Variants in KANSL1L observed in about 807,000 individuals in gnomAD.
KANSL1L encodes KAT8 regulatory NSL complex subunit 1 like.
KANSL1L carries 25 observed loss-of-function variants against 108.6 expected under a neutral mutation model. The ratio of observed to expected loss-of-function variants is 0.23; its 90% CI spans 0.17 to 0.32. The LOEUF is 0.32. Among genes scored for constraint, KANSL1L ranks in the 10% least tolerant of loss-of-function variants. The probability of loss-of-function intolerance (pLI) is 1.00; values close to 1 mark genes in which losing one functional copy is unlikely to be tolerated. For missense variants in KANSL1L, 1,137 were observed against 1,125.7 expected (o/e 1.01, Z -0.14); for synonymous variants, 405 against 395.1 (o/e 1.03, Z -0.30).
intron 6 of KANSL1L, among the ~76,000 whole-genome samples, chr2:210,065,794 C>G (rs1265423895): frequency 1.3e-5 from 2 of 152,018 alleles, no homozygotes; most frequent in Admixed American, 1.3e-4. Flanking sequence ...CCATGTTGGC[C>G]AGGCTGGTCT....
intron 6 of KANSL1L, among the ~76,000 whole-genome samples, chr2:210,061,886 A>C (rs1242145202): frequency 6.6e-6 from 1 of 152,244 alleles, no homozygotes; most frequent in East Asian, 1.9e-4. Flanking sequence ...AAGCTTATGA[A>C]AGATGTAGTG....
In KANSL1L at chr2:210,061,317, C is replaced by G. The variant is rs142909021; in HGVS notation, c.1755+14235G>C. 2.6e-3 allele frequency among the ~76,000 whole-genome samples: 399 copies of G among 152,196 alleles called. 3 individuals are homozygous for G. The highest frequency in any genetic ancestry group is 8.8e-3 in the African/African-American group (366 of 41,550). Reference sequence around the variant, plus strand: ...ATGCCAGAGGCCTCTGTTCACCATTCCCAGTGGGAAAGAGAACTTCCTTTG... The same window carrying G: ...ATGCCAGAGGCCTCTGTTCACCATTGCCAGTGGGAAAGAGAACTTCCTTTG... On this transcript the variant is annotated intron_variant, in intron 6 of 14. Transcript: ENST00000281772.
intron 5 of KANSL1L, 122 bp downstream of exon 5, chr2:210,097,964 C>T (rs966842077): frequency 3.3e-6 from 2 of 612,830 alleles, no homozygotes; most frequent in South Asian, 2.7e-5. Context: ...ATTGATTGTA[C>T]TCTAGTAGCC....
At chr2:210,071,427 C>T (rs2094507074) in intron 6 of KANSL1L, among the ~76,000 whole-genome samples, 1 of 151,774 alleles carries the variant, frequency 6.6e-6, no homozygotes, top group Admixed American at 6.6e-5. Flanking sequence ...ACCATGATGC[C>T]TGGCTAATTT....
At chr2:210,060,097 T>G (rs2094403519) in intron 6 of KANSL1L, among the ~76,000 whole-genome samples, 1 of 152,182 alleles carries the variant, frequency 6.6e-6, no homozygotes, top group Non-Finnish European at 1.5e-5. Context: ...CTTTAAAATC[T>G]TCTATTATTT....
chr2:210,107,734 C>T (rs1444538997), intron 3 of KANSL1L, among the ~76,000 whole-genome samples: 1 of 151,750 alleles, frequency 6.6e-6, no homozygotes, highest in Non-Finnish European at 1.5e-5. Context: ...GGGGTTTCAC[C>T]GTGTTAGCCA....
intron 3 of KANSL1L, among the ~76,000 whole-genome samples, chr2:210,112,823 C>T (rs2094921598): frequency 6.6e-6 from 1 of 152,150 alleles, no homozygotes; most frequent in African/African-American, 2.4e-5. Context: ...CAGAATCTGT[C>T]TAATGTCATT....
At chr2:210,120,343 G>T (rs1266578150) in intron 3 of KANSL1L, among the ~76,000 whole-genome samples, 1 of 152,150 alleles carries the variant, frequency 6.6e-6, no homozygotes. Flanking sequence ...AGTGAGCGGA[G>T]ATCACGCCAC....
In KANSL1L at chr2:210,098,187, G is replaced by A. The variant is rs763890156; in HGVS notation, c.1449C>T (p.Ile483=). 3 of 1,612,252 alleles carry A rather than the reference G, an allele frequency of 1.9e-6. No individual in the cohort carries two copies. The highest frequency in any genetic ancestry group is 2.2e-5 in the East Asian group (1 of 44,710). Residue 483 remains isoleucine, a synonymous_variant, in exon 5 of 15, where the codon ATC becomes ATT. Transcript: ENST00000281772. ...TGAGAGGGGCAATCAAACTGTTGATGATCTCAGTCAACTGTGCACTCTGCA... is the reference window on the plus strand; with the variant it reads ...TGAGAGGGGCAATCAAACTGTTGATAATCTCAGTCAACTGTGCACTCTGCA... ...IEKQSAQLTE[I]INSLIAPLNL... is the part of the protein sequence containing the mutation.
At chr2:210,089,853 A>G (rs1559547725) in intron 5 of KANSL1L, among the ~76,000 whole-genome samples, 2 of 152,266 alleles carry the variant, frequency 1.3e-5, no homozygotes, top group South Asian at 2.1e-4. Flanking sequence ...AAGGCAAGAA[A>G]GAAAACAACT....
intron 6 of KANSL1L, among the ~76,000 whole-genome samples, chr2:210,065,244 T>C (rs2094456450): frequency 8.2e-6 from 1 of 121,472 alleles, no homozygotes; most frequent in Admixed American, 1.2e-4. Context: ...TGAGCCGAGA[T>C]CGCACCACTG....
intron 9 of KANSL1L, chr2:210,030,634 A>G (rs1168417805): frequency 6.6e-6 from 1 of 151,602 alleles, no homozygotes; most frequent in East Asian, 1.9e-4. Context: ...TTTCCTGCAT[A>G]ATATAAAATC....
In KANSL1L at chr2:210,044,120, G is replaced by A. The variant is rs374287840; in HGVS notation, c.1756-16C>T. 48 of 1,547,052 alleles carry A rather than the reference G, an allele frequency of 3.1e-5. No individual in the cohort carries two copies. Among genetic ancestry groups the A allele is most frequent in the Non-Finnish European group, 3.8e-5 (44 of 1,144,642 alleles). On this transcript the variant is annotated splice_polypyrimidine_tract_variant and intron_variant, in intron 6 of 14. Coordinates refer to ENST00000281772, the MANE Select transcript of KANSL1L (RefSeq NM_152519.4). This position sits in a 1 kb window ranked among gnomAD's most constrained non-coding sequence, Gnocchi z 4.2. ...AAGGCAAAGTCTGCAAGGAAAAACC[G>A]TATTAGAATATCACAGCCAAAGCAT...
intron 4 of KANSL1L, among the ~76,000 whole-genome samples, chr2:210,100,541 A>G (rs1361466405): frequency 1.3e-5 from 2 of 152,236 alleles, no homozygotes; most frequent in African/African-American, 2.4e-5. Flanking sequence ...ATTATGAGTG[A>G]ACAGTTATAT....
chr2:210,116,485 T>G (rs1189857884), intron 3 of KANSL1L, among the ~76,000 whole-genome samples: 1 of 152,154 alleles, frequency 6.6e-6, no homozygotes, highest in African/African-American at 2.4e-5. Context: ...TCTGACCCTG[T>G]GCAGTCCCAG....
At chr2:210,096,750 A>T in intron 5 of KANSL1L, 1 of 957,914 alleles carries the variant, frequency 1.0e-6, no homozygotes, top group South Asian at 4.8e-5. Flanking sequence ...TACGTTCAAC[A>T]TGTTTTATCA....
intron 7 of KANSL1L, among the ~76,000 whole-genome samples, chr2:210,042,678 T>C (rs1271684994): frequency 2.0e-5 from 3 of 152,226 alleles, no homozygotes; most frequent in African/African-American, 7.2e-5. Context: ...GTGCTTAATA[T>C]ATACAAGGCT....
intron 3 of KANSL1L, among the ~76,000 whole-genome samples, chr2:210,124,540 A>G (rs1014671110): frequency 6.6e-6 from 1 of 152,026 alleles, no homozygotes; most frequent in Non-Finnish European, 1.5e-5. Context: ...TTGACATTTA[A>G]AAAAAACAAA....
At position 210,023,135 on chromosome 2, in the gene KANSL1L, G is replaced by A; in HGVS notation, c.2778C>T (p.Asp926=). 6.2e-7 allele frequency: 1 copy of A among 1,613,918 alleles called. No individual in the cohort carries two copies. The highest frequency in any genetic ancestry group is 8.5e-7 in the Non-Finnish European group (1 of 1,179,926). The change falls in exon 15 of 15, where the codon GAC becomes GAT. Residue 926 remains aspartate, a synonymous_variant. Transcript: ENST00000281772. ...CATCTTGACATAATAAGGCTGCCAT[G>A]TCTTCACCCTTCAGTGGAAAAGCCC... ...ERRAFPLKGE[D]MAALLCQDEK... is the part of the protein sequence containing the mutation.
Sources: allele counts gnomAD v4.1 joint callset (sites outside exome capture counted in the v4.1 genomes callset), GRCh38; gene constraint gnomAD v4.1.1; non-coding constraint Gnocchi (gnomAD v3.1); transcripts MANE v1.5; gene names NCBI Gene and HGNC (gene_info 2026-07-23, HGNC 2026-07-21).